Variants in CADPS2 observed in about 807,000 individuals in gnomAD.
CADPS2 encodes the protein calcium-dependent secretion activator 2.
A neutral mutation model predicts 172.5 loss-of-function variants in CADPS2; 93 were observed. The ratio of observed to expected loss-of-function variants is 0.54; its 90% CI spans 0.46 to 0.64. The LOEUF (loss-of-function observed/expected upper bound fraction) is 0.64, where lower values mean the gene tolerates loss of function less well. Ranked by LOEUF, CADPS2 falls within the 30% of genes least tolerant of loss-of-function variation. CADPS2 has a pLI of 0.00. For synonymous variants in CADPS2, 546 were observed against 555.2 expected (o/e 0.98, Z 0.23); for missense variants, 1,420 against 1,565.9 (o/e 0.91, Z 1.57).
chr7:122,346,804 G>T (rs1326756685), intron 27 of CADPS2, among the ~76,000 whole-genome samples: 1 of 152,182 alleles, frequency 6.6e-6, no homozygotes, highest in African/African-American at 2.4e-5. Flanking sequence ...GGCTGTTAAA[G>T]ACTTTTTTCT....
intron 2 of CADPS2, among the ~76,000 whole-genome samples, chr7:122,721,404 C>T (rs1328896404): frequency 6.6e-6 from 1 of 152,094 alleles, no homozygotes; most frequent in Non-Finnish European, 1.5e-5. Context: ...GAGATTACTA[C>T]AAACACCTCT....
chr7:122,834,720 C>A (rs562029638), intron 1 of CADPS2, among the ~76,000 whole-genome samples: 1 of 152,166 alleles, frequency 6.6e-6, no homozygotes, highest in East Asian at 1.9e-4. Flanking sequence ...AACTGCAAGG[C>A]GGCAGCGAGG....
intron 6 of CADPS2, among the ~76,000 whole-genome samples, chr7:122,610,591 T>A (rs1015464428): frequency 6.6e-6 from 1 of 152,108 alleles, no homozygotes; most frequent in African/African-American, 2.4e-5. Flanking sequence ...GACAGAACTT[T>A]CTGAAGTGAT....
At chr7:122,723,561 C>T (rs1044064193) in intron 2 of CADPS2, among the ~76,000 whole-genome samples, 3 of 152,156 alleles carry the variant, frequency 2.0e-5, no homozygotes, top group Non-Finnish European at 2.9e-5. Flanking sequence ...GAAATAGGAA[C>T]ACTTTCACAC....
chr7:122,553,748 T>C (rs868176085), intron 8 of CADPS2, among the ~76,000 whole-genome samples: 14 of 152,164 alleles, frequency 9.2e-5, no homozygotes, highest in Middle Eastern at 3.2e-3. Context: ...CTTAGACCTC[T>C]ATGTCTGTTG....
At chr7:122,475,356 T>G (rs1405402851) in intron 12 of CADPS2, among the ~76,000 whole-genome samples, 1 of 152,200 alleles carries the variant, frequency 6.6e-6, no homozygotes, top group African/African-American at 2.4e-5. Context: ...AGCAATCAGT[T>G]ATCAAGATAA....
intron 1 of CADPS2, among the ~76,000 whole-genome samples, chr7:122,780,863 G>A (rs1384882291): frequency 6.7e-6 from 1 of 150,156 alleles, no homozygotes; most frequent in Non-Finnish European, 1.5e-5. Flanking sequence ...CGTTTATATT[G>A]GTTTTGGTTT....
chr7:122,814,185 G>GAAA (rs148266415), intron 1 of CADPS2, among the ~76,000 whole-genome samples: 201 of 146,216 alleles, frequency 1.4e-3, no homozygotes, highest in African/African-American at 4.2e-3. Context: ...ATTTGGAAGG[G>GAAA]AAAAAAAAAA....
chr7:122,367,150 G>C (rs1343692875), intron 25 of CADPS2, among the ~76,000 whole-genome samples: 1 of 152,046 alleles, frequency 6.6e-6, no homozygotes, highest in East Asian at 1.9e-4. Flanking sequence ...AATTGAGTAA[G>C]TTTAATGCAA....
At chr7:122,730,790 TTTC>T (rs1439794191) in intron 2 of CADPS2, among the ~76,000 whole-genome samples, 12 of 151,706 alleles carry the variant, frequency 7.9e-5, no homozygotes, top group African/African-American at 2.7e-4. Flanking sequence ...GACAAAAACA[TTTC>T]TTATTTTAAA....
chr7:122,361,286 T>G (rs2040109492), intron 25 of CADPS2, among the ~76,000 whole-genome samples: 1 of 143,634 alleles, frequency 7.0e-6, no homozygotes, highest in Non-Finnish European at 1.5e-5. Context: ...CAGGCTGGAG[T>G]GCAGTGGCGT....
At chr7:122,885,551 C>T (rs931735301) in intron 1 of CADPS2, among the ~76,000 whole-genome samples, 3 of 152,172 alleles carry the variant, frequency 2.0e-5, no homozygotes, top group Non-Finnish European at 4.4e-5. Flanking sequence ...AAGAGAAGTA[C>T]TCGGGCTCCA....
At chr7:122,535,282 G>GC (rs1217173497) in intron 8 of CADPS2, among the ~76,000 whole-genome samples, 1 of 152,038 alleles carries the variant, frequency 6.6e-6, no homozygotes, top group Non-Finnish European at 1.5e-5. Flanking sequence ...ATGGCTTTGG[G>GC]CAAATTTCTT....
At chr7:122,661,492 ATTTAG>A (rs770593258) in intron 3 of CADPS2, among the ~76,000 whole-genome samples, 31 of 152,178 alleles carry the variant, frequency 2.0e-4, no homozygotes, top group Non-Finnish European at 4.0e-4. Flanking sequence ...GTAATAACTC[ATTTAG>A]AGGTCTTATA....
intron 28 of CADPS2, among the ~76,000 whole-genome samples, chr7:122,333,916 T>G (rs1585072034): frequency 6.6e-6 from 1 of 150,968 alleles, no homozygotes; most frequent in Admixed American, 6.6e-5. Context: ...ATATCTATAA[T>G]AGCAGACAGG....
At chr7:122,750,999 C>T (rs979669729) in intron 1 of CADPS2, among the ~76,000 whole-genome samples, 7 of 151,930 alleles carry the variant, frequency 4.6e-5, no homozygotes, top group East Asian at 1.9e-4. Context: ...AACATAAAAA[C>T]GAAAAGATAA....
Position 122,628,829 on chromosome 7 carries a change from T to G in CADPS2, c.867+419A>C, listed in dbSNP as rs2076312637. On this transcript the variant is annotated intron_variant, in intron 4 of 29. Transcript: ENST00000449022. ...TTTTTTCATGCATTTAGTCATTCAATTAAATGTTAGTCAGAACCACTATGT... is the reference window on the plus strand; with the variant it reads ...TTTTTTCATGCATTTAGTCATTCAAGTAAATGTTAGTCAGAACCACTATGT... Among the ~76,000 whole-genome samples, 6 of 150,450 alleles carry G rather than the reference T, an allele frequency of 4.0e-5. No homozygotes were observed. In the South Asian group the frequency reaches 1.3e-3, roughly 32 times the overall value.
At chr7:122,589,318 C>A (rs761757188) in intron 6 of CADPS2, among the ~76,000 whole-genome samples, 4 of 151,722 alleles carry the variant, frequency 2.6e-5, no homozygotes, top group Non-Finnish European at 2.9e-5. Flanking sequence ...ATACAAAAAG[C>A]CTGATTATCA....
intron 22 of CADPS2, among the ~76,000 whole-genome samples, chr7:122,391,370 T>G (rs4731056): frequency 6.6e-6 from 1 of 151,740 alleles, no homozygotes; most frequent in Non-Finnish European, 1.5e-5. Flanking sequence ...ATTCAGAGTT[T>G]GTACAAATCC....
Sources: allele counts gnomAD v4.1 joint callset (sites outside exome capture counted in the v4.1 genomes callset), GRCh38; gene constraint gnomAD v4.1.1; transcripts MANE v1.5; gene names NCBI Gene and HGNC (gene_info 2026-07-23, HGNC 2026-07-21).